The following MASTL variants were observed in gnomAD, a reference collection of about 807,000 sequenced individuals.
MASTL encodes serine/threonine-protein kinase greatwall.
MASTL carries 54 observed loss-of-function variants against 82.5 expected under a neutral mutation model. The observed-to-expected ratio is 0.65, with a 90% confidence interval of 0.53 to 0.82. The LOEUF (loss-of-function observed/expected upper bound fraction) is 0.82, where lower values mean the gene tolerates loss of function less well. Among genes scored for constraint, MASTL ranks in the 40% least tolerant of loss-of-function variants. The pLI is 0.00. For synonymous variants in MASTL, 323 were observed against 368.9 expected, an observed-to-expected ratio of 0.88 and a Z score of 1.43; for missense variants, 950 against 1,047.8, an observed-to-expected ratio of 0.91 and a Z score of 1.29.
chr10:27,175,902 G>T (rs185461980), intron 9 of MASTL, among the ~76,000 whole-genome samples: 16 of 152,188 alleles, frequency 1.1e-4, no homozygotes, highest in African/African-American at 3.9e-4. Flanking sequence ...TTCAAGACCA[G>T]CCTGGCCAAC....
chr10:27,169,561 C>G (rs1338268477), intron 7 of MASTL, among the ~76,000 whole-genome samples: 1 of 149,242 alleles, frequency 6.7e-6, no homozygotes, highest in Non-Finnish European at 1.5e-5. Context: ...CAGCAAGACC[C>G]CATTTCAAAA....
At chr10:27,163,955 A>ATTTT (rs2057659893) in intron 4 of MASTL, among the ~76,000 whole-genome samples, 1 of 133,606 alleles carries the variant, frequency 7.5e-6, no homozygotes, top group Non-Finnish European at 1.7e-5. Flanking sequence ...TTATTTTGAG[A>ATTTT]GAGAGTCTTG....
chr10:27,171,236 A>T (rs951630927), intron 8 of MASTL, among the ~76,000 whole-genome samples, 153 bp downstream of exon 8: 14 of 152,140 alleles, frequency 9.2e-5, no homozygotes, highest in African/African-American at 3.4e-4. Context: ...CACCCAGAAA[A>T]GTAAAGCTGG....
intron 11 of MASTL, among the ~76,000 whole-genome samples, chr10:27,184,462 C>T (rs537484019): frequency 5.6e-4 from 85 of 151,160 alleles, no homozygotes; most frequent in African/African-American, 2.0e-3. Flanking sequence ...ATACTGAGTC[C>T]TTGTAGTATT....
chr10:27,160,471 C>T (rs564846247), intron 3 of MASTL, among the ~76,000 whole-genome samples: 1 of 152,090 alleles, frequency 6.6e-6, no homozygotes, highest in Admixed American at 6.5e-5. Flanking sequence ...TAAATGTAGG[C>T]CAGGTGTGGT....
Position 27,175,032 on chromosome 10 carries a change from T to A in MASTL, c.2266+1773T>A, listed in dbSNP as rs143043672. Reference sequence around the variant, plus strand: ...ACCCTTTCTTCTGTTTGTATTTCCTTGCCGGCTTTTATCCTCAGCCTGAAA... The same window carrying A: ...ACCCTTTCTTCTGTTTGTATTTCCTAGCCGGCTTTTATCCTCAGCCTGAAA... On this transcript the variant is annotated intron_variant, in intron 9 of 11. Transcript: ENST00000375940. Among the ~76,000 whole-genome samples the A allele has an allele frequency of 4.6e-5, 7 of 152,006 alleles. No homozygotes were observed. The East Asian group carries it at 1.4e-3, about 30-fold the overall frequency.
At chr10:27,165,329 T>C (rs916966353) in intron 5 of MASTL, 60 bp from the exon 6 acceptor site, 10 of 1,554,330 alleles carry the variant, frequency 6.4e-6, no homozygotes, top group Admixed American at 5.0e-5. Flanking sequence ...ACAGTCTATG[T>C]ACTTAGGTGG....
intron 3 of MASTL, among the ~76,000 whole-genome samples, chr10:27,160,093 T>C (rs1210794568): frequency 1.3e-5 from 2 of 148,940 alleles, no homozygotes; most frequent in Non-Finnish European, 1.5e-5. Context: ...CCTCTGGGGC[T>C]CAAGCAATCC....
At position 27,170,325 on chromosome 10, in the gene MASTL, A is replaced by G. The variant is rs1758591562; in HGVS notation, c.1366A>G (p.Lys456Glu). The G allele has an allele frequency of 1.9e-6, 3 of 1,613,282 alleles. No individual in the cohort carries two copies. Among genetic ancestry groups the G allele is most frequent in the Admixed American group, 1.7e-5 (1 of 59,976 alleles). The change falls in exon 8 of 12, where the codon AAA becomes GAA. Residue 456 changes from lysine to glutamate, a missense_variant. Lys to Glu is a moderately conservative substitution (Grantham distance 56). Coordinates refer to ENST00000375940, the MANE Select transcript of MASTL (RefSeq NM_001172303.3). ...TGAGTTGGTTGACTCCAGTCCTTGT[A>G]AAAAAATTATACAGAATAAAAAAAC... ...NFELVDSSPC[K>E]KIIQNKKTCV...
Position 27,170,907 on chromosome 10 carries a change from AGAAAT to A in MASTL, c.1950_1954del (p.Arg650SerfsTer8). 1 of 1,614,214 alleles carries A rather than the reference AGAAAT, an allele frequency of 6.2e-7. No individual in the cohort carries two copies. The highest frequency in any genetic ancestry group is 2.2e-5 in the East Asian group (1 of 44,870). On this transcript the variant is annotated frameshift_variant, in exon 8 of 12. Transcript: ENST00000375940. LOFTEE classifies it high-confidence loss of function. The stretch of plus-strand genomic sequence containing the variant: ...GGTGCTGAAAACGTTAGCCTCTAAA[AGAAAT>A]GCTGTTGCTTTTCGAAGTTTTAACA...
At chr10:27,165,670 T>C in intron 6 of MASTL, 131 bp downstream of exon 6, 1 of 1,063,200 alleles carries the variant, frequency 9.4e-7, no homozygotes, top group Non-Finnish European at 1.4e-6. Context: ...TGGAGTGCAA[T>C]GGCGCGATCT....
At position 27,170,913 on chromosome 10, in the gene MASTL, G is replaced by A; in HGVS notation, c.1954G>A (p.Ala652Thr). 1 of 1,614,104 alleles carries A rather than the reference G, an allele frequency of 6.2e-7. No individual in the cohort carries two copies. The highest frequency in any genetic ancestry group is 8.5e-7 in the Non-Finnish European group (1 of 1,179,976). ...GAAAACGTTAGCCTCTAAAAGAAATGCTGTTGCTTTTCGAAGTTTTAACAG... is the reference window on the plus strand; with the variant it reads ...GAAAACGTTAGCCTCTAAAAGAAATACTGTTGCTTTTCGAAGTTTTAACAG... ...VLKTLASKRN[A>T]VAFRSFNSHI... is the part of the protein sequence containing the mutation. Residue 652 changes from alanine (A) to threonine (T), a missense_variant, in exon 8 of 12, where the codon GCT becomes ACT. Transcript: ENST00000375940.
upstream of MASTL, chr10:27,154,909 G>A (rs546465208): frequency 6.1e-6 from 1 of 164,168 alleles, no homozygotes; most frequent in East Asian, 1.8e-4. Flanking sequence ...AACGTCAGAT[G>A]ACAGGGGAGG....
chr10:27,181,708 A>G, intron 11 of MASTL, 127 bp downstream of exon 11: 1 of 639,316 alleles, frequency 1.6e-6, no homozygotes, highest in Non-Finnish European at 2.8e-6. Flanking sequence ...TGGGAGGCTG[A>G]GGCGGGCTGA....
chr10:27,182,816 G>A (rs1271800368), intron 11 of MASTL, among the ~76,000 whole-genome samples: 1 of 147,528 alleles, frequency 6.8e-6, no homozygotes, highest in African/African-American at 2.5e-5. Context: ...CGTTATTATT[G>A]CTATTTATTT....
intron 4 of MASTL, among the ~76,000 whole-genome samples, chr10:27,163,010 G>A (rs189856785): frequency 2.3e-3 from 353 of 152,006 alleles, no homozygotes; most frequent in African/African-American, 7.5e-3. Context: ...TCCACCTCCC[G>A]GGTTCAAGCA....
chr10:27,158,635 A>C lies in MASTL; in HGVS notation c.273A>C (p.Pro91=), dbSNP rs760664621. 9.3e-6 allele frequency: 15 copies of C among 1,614,028 alleles called. 1 individual carries two copies. The highest frequency in any genetic ancestry group is 7.7e-5 in the South Asian group (7 of 91,086). Residue 91 remains proline (P), a synonymous_variant, in exon 2 of 12, where the codon CCA becomes CCC. Coordinates refer to ENST00000375940, the MANE Select transcript of MASTL (RefSeq NM_001172303.3). ...ERDALALSKS[P]FIVHLYYSLQ... is the part of the protein sequence containing the mutation. ...ATGCACTGGCACTAAGCAAAAGCCCATTCATTGTCCATTTGTATTATTCAC... is the reference window on the plus strand; with the variant it reads ...ATGCACTGGCACTAAGCAAAAGCCCCTTCATTGTCCATTTGTATTATTCAC...
At chr10:27,162,688 T>C (rs1332436475) in intron 4 of MASTL, among the ~76,000 whole-genome samples, 1 of 152,024 alleles carries the variant, frequency 6.6e-6, no homozygotes, top group African/African-American at 2.4e-5. Context: ...AGAAACATAT[T>C]GTATTCTCTA....
chr10:27,169,903 C>G (rs1446909663), intron 7 of MASTL, 41 bp from the exon 8 acceptor site: 3 of 1,601,322 alleles, frequency 1.9e-6, no homozygotes, highest in East Asian at 2.2e-5. Flanking sequence ...CAATGAATCT[C>G]AGCTTTATAT....
Sources: allele counts gnomAD v4.1 joint callset (sites outside exome capture counted in the v4.1 genomes callset), GRCh38; gene constraint gnomAD v4.1.1; transcripts MANE v1.5; gene names NCBI Gene and HGNC (gene_info 2026-07-23, HGNC 2026-07-21).